Variants in RABGAP1L observed in about 807,000 individuals in gnomAD.
RABGAP1L encodes RAB GTPase activating protein 1 like, also known as rab GTPase-activating protein 1-like.
In RABGAP1L, 63 loss-of-function variants were observed where a neutral mutation model predicts 137.7. The observed-to-expected ratio is 0.46, with a 90% CI of 0.37 to 0.56. The LOEUF (loss-of-function observed/expected upper bound fraction) is 0.56, where lower values mean the gene tolerates loss of function less well. Ranked by LOEUF, RABGAP1L falls within the 20% of genes least tolerant of loss-of-function variation. The pLI, the probability that RABGAP1L is intolerant of heterozygous loss-of-function variation, is 0.00. For synonymous variants in RABGAP1L, 431 were observed against 433.7 expected (o/e 0.99, Z 0.08); for missense variants, 1,095 against 1,244.0 (o/e 0.88, Z 1.80).
At chr1:174,692,323 T>C (rs1678930292) in intron 15 of RABGAP1L, among the ~76,000 whole-genome samples, 1 of 152,136 alleles carries the variant, frequency 6.6e-6, no homozygotes, top group East Asian at 1.9e-4. Flanking sequence ...ACAAAGAGTT[T>C]TGGGATTCAG....
At chr1:174,201,787 G>A (rs1008058377) in intron 1 of RABGAP1L, among the ~76,000 whole-genome samples, 7 of 144,934 alleles carry the variant, frequency 4.8e-5, no homozygotes, top group Admixed American at 2.7e-4. Flanking sequence ...ATCTCCTAAT[G>A]CTATCCCTCC....
intron 17 of RABGAP1L, among the ~76,000 whole-genome samples, chr1:174,722,370 T>A (rs1398441024): frequency 6.6e-6 from 1 of 152,240 alleles, no homozygotes; most frequent in Admixed American, 6.5e-5. Flanking sequence ...ATATGTAAGA[T>A]GTACGAAAAG....
intron 17 of RABGAP1L, among the ~76,000 whole-genome samples, chr1:174,737,452 A>G (rs1683051060): frequency 6.6e-6 from 1 of 152,060 alleles, no homozygotes; most frequent in Non-Finnish European, 1.5e-5. Context: ...CCTGGCCTTC[A>G]CTGTCCATAT....
intron 14 of RABGAP1L, among the ~76,000 whole-genome samples, chr1:174,678,112 A>G (rs1677775012): frequency 6.6e-6 from 1 of 152,194 alleles, no homozygotes; most frequent in South Asian, 2.1e-4. Flanking sequence ...ACTATTATGA[A>G]CGAATTTATG....
At chr1:174,921,886 G>GC (rs1297907841) in intron 19 of RABGAP1L, among the ~76,000 whole-genome samples, 1 of 152,160 alleles carries the variant, frequency 6.6e-6, no homozygotes, top group East Asian at 1.9e-4. Flanking sequence ...ATTTGTAGGT[G>GC]AGCACTAAAT....
intron 13 of RABGAP1L, among the ~76,000 whole-genome samples, chr1:174,485,653 A>G (rs1268947859): frequency 6.6e-6 from 1 of 152,158 alleles, no homozygotes; most frequent in African/African-American, 2.4e-5. Context: ...ATTGATTTGC[A>G]TATGTTGAAT....
intron 13 of RABGAP1L, among the ~76,000 whole-genome samples, chr1:174,598,298 A>G (rs1272004919): frequency 3.5e-5 from 5 of 143,986 alleles, no homozygotes; most frequent in African/African-American, 1.3e-4. Context: ...ACTGCACTCC[A>G]GCCTGGCAGC....
intron 13 of RABGAP1L, among the ~76,000 whole-genome samples, chr1:174,513,066 A>C (rs1342703642): frequency 6.6e-6 from 1 of 152,140 alleles, no homozygotes; most frequent in South Asian, 2.1e-4. Context: ...CATATGCCTG[A>C]AGGAAATACT....
intron 17 of RABGAP1L, among the ~76,000 whole-genome samples, chr1:174,725,402 A>AT (rs1401922540): frequency 1.1e-4 from 16 of 152,172 alleles, no homozygotes; most frequent in African/African-American, 3.6e-4. Context: ...AGAGGAATAT[A>AT]TTGCAGGGAA....
chr1:174,557,345 C>T (rs74126833), intron 13 of RABGAP1L, among the ~76,000 whole-genome samples: 5,298 of 152,254 alleles, frequency 0.035, 121 homozygotes, highest in Middle Eastern at 0.088. Context: ...TCTGTCATTC[C>T]GATGGCCATG....
At chr1:174,502,699 C>T (rs1367073675) in intron 13 of RABGAP1L, among the ~76,000 whole-genome samples, 10 of 146,016 alleles carry the variant, frequency 6.8e-5, no homozygotes, top group African/African-American at 1.0e-4. Context: ...TGTATATATA[C>T]ATATATGTGC....
chr1:174,923,889 A>G (rs962675178), intron 19 of RABGAP1L, among the ~76,000 whole-genome samples: 2 of 151,928 alleles, frequency 1.3e-5, no homozygotes, highest in African/African-American at 2.4e-5. Flanking sequence ...AAAAAAAAAA[A>G]AAAAAAGAAA....
chr1:174,653,307 G>A (rs1391196441), intron 14 of RABGAP1L, among the ~76,000 whole-genome samples: 6 of 152,142 alleles, frequency 3.9e-5, no homozygotes, highest in Non-Finnish European at 8.8e-5. Flanking sequence ...GGGAGTGTAT[G>A]GTTCTGGCAT....
At chr1:174,693,729 A>C (rs1281424843) in intron 15 of RABGAP1L, among the ~76,000 whole-genome samples, 1 of 152,246 alleles carries the variant, frequency 6.6e-6, no homozygotes, top group Admixed American at 6.5e-5. Flanking sequence ...AGTAGTGAAA[A>C]AAATAAACAT....
At chr1:174,180,756 C>G (rs539761645) in intron 1 of RABGAP1L, among the ~76,000 whole-genome samples, 2 of 152,154 alleles carry the variant, frequency 1.3e-5, no homozygotes, top group Non-Finnish European at 2.9e-5. Context: ...CATGAGCCAC[C>G]GCATCTGGCC....
chr1:174,437,827 G>A (rs530277648), intron 13 of RABGAP1L, among the ~76,000 whole-genome samples: 3 of 152,178 alleles, frequency 2.0e-5, no homozygotes, highest in East Asian at 1.9e-4. Context: ...GAGAAAGGTC[G>A]GGTTACCCAC....
At chr1:174,315,334 GT>G (rs1235618754) in intron 11 of RABGAP1L, among the ~76,000 whole-genome samples, 1 of 151,906 alleles carries the variant, frequency 6.6e-6, no homozygotes, top group Non-Finnish European at 1.5e-5. Context: ...TCTTGTTTCA[GT>G]TGGCATGGAA....
chr1:174,525,870 T>C lies in RABGAP1L; in HGVS notation c.1711-111505T>C, dbSNP rs926778891. ...GACATTGAATTTTGTCACACTTTTT[T>C]CTGCATCAGTTGAAATGATCGTATG... is the stretch of plus-strand genomic sequence containing the variant. On this transcript the variant is annotated intron_variant, in intron 13 of 25. Transcript: ENST00000681986. Among the ~76,000 whole-genome samples, 102 of 152,342 alleles carry C rather than the reference T, an allele frequency of 6.7e-4. 1 individual carries two copies. Among genetic ancestry groups the C allele is most frequent in the African/African-American group, 2.3e-3 (94 of 41,586 alleles).
At chr1:174,195,658 CTTTCCTTTCCT>C (rs1667554341) in intron 1 of RABGAP1L, among the ~76,000 whole-genome samples, 1 of 84,226 alleles carries the variant, frequency 1.2e-5, no homozygotes, top group Non-Finnish European at 2.2e-5. Context: ...CCTTCCTTTC[CTTTCCTTTCCT>C]TTCCTTCTTT....
Sources: gnomAD v4.1 joint callset for allele counts (sites outside exome capture counted in the v4.1 genomes callset) on GRCh38, gnomAD v4.1.1 for gene constraint, MANE v1.5 for transcripts, NCBI Gene and HGNC (gene_info 2026-07-23, HGNC 2026-07-21) for gene names.